Variants in NRG1 observed in about 807,000 individuals in gnomAD.
NRG1 encodes the protein neuregulin 1.
In NRG1, 18 loss-of-function variants were observed where a neutral mutation model predicts 63.8. The ratio of observed to expected loss-of-function variants is 0.28; its 90% CI spans 0.19 to 0.42. NRG1 has a LOEUF of 0.42. Ranked by LOEUF, NRG1 falls within the 10% of genes least tolerant of loss-of-function variation. NRG1 has a pLI of 1.00. For synonymous variants in NRG1, 302 were observed against 301.3 expected (o/e 1.00, Z -0.02); for missense variants, 762 against 814.7 (o/e 0.94, Z 0.79).
intron 5 of NRG1, among the ~76,000 whole-genome samples, chr8:32,656,392 CTT>C (rs1431547177): frequency 1.3e-5 from 2 of 152,016 alleles, no homozygotes; most frequent in African/African-American, 4.8e-5. Context: ...TTGCAAGTAA[CTT>C]AAAATGAAAT....
chr8:32,760,991 G>A (rs186418684), intron 11 of NRG1: 150 of 985,934 alleles, frequency 1.5e-4, no homozygotes, highest in Non-Finnish European at 1.5e-4. Flanking sequence ...TGGATGCTGC[G>A]TCTGGCAGTC....
In NRG1 at chr8:32,136,017, C is replaced by T. The variant is rs558481134; in HGVS notation, c.38-459811C>T. ...TCATTTAGGAAGGTGAGGAATCAAA[C>T]ACAGTGCAGATGAGGGTGGTGTAGG... On this transcript the variant is annotated intron_variant, in intron 1 of 10. Transcript: ENST00000519301. 3.3e-5 allele frequency among the ~76,000 whole-genome samples: 5 copies of T among 152,210 alleles called. No homozygotes were observed. In the East Asian group the frequency reaches 9.7e-4, roughly 29 times the overall value.
At chr8:32,032,284 A>G (rs986848528) in intron 1 of NRG1, among the ~76,000 whole-genome samples, 1 of 151,680 alleles carries the variant, frequency 6.6e-6, no homozygotes, top group African/African-American at 2.4e-5. Flanking sequence ...TTTTTGAGAC[A>G]AAGTCTCACA....
chr8:31,891,160 G>T (rs1260622230), intron 1 of NRG1, among the ~76,000 whole-genome samples: 1 of 152,128 alleles, frequency 6.6e-6, no homozygotes, highest in Non-Finnish European at 1.5e-5. Flanking sequence ...TTTGGACTTT[G>T]TAAAATTAAA....
chr8:32,592,445 C>T (rs1167165431), intron 1 of NRG1, among the ~76,000 whole-genome samples: 1 of 152,088 alleles, frequency 6.6e-6, no homozygotes, highest in Non-Finnish European at 1.5e-5. Context: ...ATCACATTTA[C>T]AGTCTTCTTT....
intron 1 of NRG1, among the ~76,000 whole-genome samples, chr8:32,423,263 A>G (rs908401953): frequency 2.6e-5 from 4 of 152,202 alleles, no homozygotes; most frequent in African/African-American, 9.6e-5. Flanking sequence ...CTCACACTTC[A>G]TCAGAGGCCA....
chr8:32,012,416 A>T (rs1477520495), intron 1 of NRG1, among the ~76,000 whole-genome samples: 3 of 152,186 alleles, frequency 2.0e-5, no homozygotes, highest in South Asian at 4.1e-4. Flanking sequence ...AGCCCATGGA[A>T]CTGCTGGCCA....
chr8:31,779,482 G>A (rs1315143716), intron 1 of NRG1, among the ~76,000 whole-genome samples: 1 of 151,922 alleles, frequency 6.6e-6, no homozygotes, highest in Non-Finnish European at 1.5e-5. Context: ...ATTCTGGAAA[G>A]CCTGGCATTT....
chr8:31,942,291 A>T (rs1247472854), intron 1 of NRG1, among the ~76,000 whole-genome samples: 1 of 152,170 alleles, frequency 6.6e-6, no homozygotes, highest in Non-Finnish European at 1.5e-5. Flanking sequence ...TGGGGAAAGG[A>T]CACCCTATTC....
Position 32,616,890 on chromosome 8 carries a change from G to A in NRG1, c.502+5G>A, listed in dbSNP as rs376577452. 2 of 1,577,304 alleles carry A rather than the reference G, an allele frequency of 1.3e-6. No homozygotes were observed. Among genetic ancestry groups the A allele is most frequent in the African/African-American group, 2.7e-5 (2 of 74,106 alleles). ...AAGGAGCAAATACTTCTTCATGTAAGTATACTTAAATATTCTATTCACTGG... is the reference window on the plus strand; with the variant it reads ...AAGGAGCAAATACTTCTTCATGTAAATATACTTAAATATTCTATTCACTGG... On this transcript the variant is annotated splice_donor_5th_base_variant and intron_variant, in intron 5 of 11. Coordinates refer to ENST00000356819, the Ensembl canonical transcript of NRG1.
At position 32,677,234 on chromosome 8, in the gene NRG1, G is replaced by C. The variant is rs577741270; in HGVS notation, c.503-50715G>C. 2.6e-5 allele frequency among the ~76,000 whole-genome samples: 4 copies of C among 152,234 alleles called. No homozygotes were observed. In the South Asian group the frequency reaches 6.2e-4, roughly 24 times the overall value. Reference sequence around the variant, plus strand: ...TTAAGTTGACTCTTTCCCAAATACTGCCTAACTTCTTTTCTTCTATAATTA... The same window carrying C: ...TTAAGTTGACTCTTTCCCAAATACTCCCTAACTTCTTTTCTTCTATAATTA... On this transcript the variant is annotated intron_variant, in intron 5 of 11. Coordinates refer to ENST00000356819, the Ensembl canonical transcript of NRG1.
At chr8:32,347,637 C>T (rs186920170) in intron 1 of NRG1, among the ~76,000 whole-genome samples, 14 of 152,188 alleles carry the variant, frequency 9.2e-5, no homozygotes, top group Admixed American at 7.2e-4. Context: ...GGTCTGTAGC[C>T]GTGTTGTTGC....
chr8:32,561,517 G>A (rs902897297), intron 1 of NRG1, among the ~76,000 whole-genome samples: 3 of 144,880 alleles, frequency 2.1e-5, no homozygotes, highest in Non-Finnish European at 4.7e-5. Context: ...CTGCCTCAGC[G>A]CTCTTAAACT....
intron 1 of NRG1, among the ~76,000 whole-genome samples, chr8:32,474,846 G>A (rs1362428235): frequency 2.0e-5 from 3 of 152,028 alleles, no homozygotes; most frequent in Admixed American, 6.6e-5. Context: ...CTATGGCACC[G>A]GTACTATGTG....
chr8:32,661,852 G>A (rs973789585), intron 5 of NRG1, among the ~76,000 whole-genome samples: 9 of 152,264 alleles, frequency 5.9e-5, no homozygotes, highest in East Asian at 1.9e-4. Context: ...GGAGATCAGA[G>A]TACTGGTGGA....
intron 1 of NRG1, among the ~76,000 whole-genome samples, chr8:31,831,960 C>A (rs766333647): frequency 2.2e-4 from 33 of 152,136 alleles, no homozygotes; most frequent in Non-Finnish European, 1.8e-4. Context: ...TCTGTTGTTA[C>A]TCTCTTGCAA....
At chr8:32,131,028 A>G (rs1013186572) in intron 1 of NRG1, among the ~76,000 whole-genome samples, 3 of 152,000 alleles carry the variant, frequency 2.0e-5, no homozygotes, top group Admixed American at 6.6e-5. Flanking sequence ...CAGAGTTGCT[A>G]AAACTATAAA....
In NRG1 at chr8:32,277,760, G is replaced by A. The variant is rs1283930978; in HGVS notation, c.38-318068G>A. On this transcript the variant is annotated intron_variant, in intron 1 of 10. Coordinates refer to the NRG1 transcript ENST00000519301. ...GATGGTTAAGCATTCTGCATACCTG[G>A]GAGGGCCTTCCATAACAGAGGATCG... Among the ~76,000 whole-genome samples, 3 of 152,140 alleles carry A rather than the reference G, an allele frequency of 2.0e-5. No homozygotes were observed. In the East Asian group the frequency reaches 5.8e-4, roughly 29 times the overall value.
At chr8:32,196,118 A>AGTGTGT (rs55951634) in intron 1 of NRG1, among the ~76,000 whole-genome samples, 9,203 of 146,698 alleles carry the variant, frequency 0.063, 315 homozygotes, top group South Asian at 0.11. Context: ...AAAAACAATG[A>AGTGTGT]GTGTGTGTGT....
Sources: allele counts gnomAD v4.1 joint callset (sites outside exome capture counted in the v4.1 genomes callset), GRCh38; gene constraint gnomAD v4.1.1; transcripts MANE v1.5; gene names NCBI Gene and HGNC (gene_info 2026-07-23, HGNC 2026-07-21).